The following COPS5 variants were observed in gnomAD, a reference collection of about 807,000 sequenced individuals.
COPS5 encodes COP9 signalosome complex subunit 5.
In COPS5, 8 loss-of-function variants were observed where a neutral mutation model predicts 44.4. The observed-to-expected ratio is 0.18, with a 90% CI of 0.11 to 0.32. COPS5 has a LOEUF of 0.32. COPS5 is among the 10% of genes least tolerant of loss of function. The probability of loss-of-function intolerance (pLI) is 1.00; values close to 1 mark genes in which losing one functional copy is unlikely to be tolerated. For synonymous variants in COPS5, 122 were observed against 142.8 expected, an observed-to-expected ratio of 0.85 and a Z score of 1.04; for missense variants, 159 against 406.4, an observed-to-expected ratio of 0.39 and a Z score of 5.23.
chr8:67,057,902 A>G (rs1804535393), intron 3 of COPS5, among the ~76,000 whole-genome samples, 181 bp downstream of exon 3: 2 of 152,244 alleles, frequency 1.3e-5, no homozygotes, highest in South Asian at 4.1e-4. Flanking sequence ...GAGAAGCAAG[A>G]TACACAGTGG....
In COPS5 at chr8:67,062,028, C is replaced by T; in HGVS notation, c.-32G>A. 1 of 1,614,016 alleles carries T rather than the reference C, an allele frequency of 6.2e-7. No individual in the cohort carries two copies. The highest frequency in any genetic ancestry group is 8.5e-7 in the Non-Finnish European group (1 of 1,180,000). On this transcript the variant is annotated 5_prime_UTR_variant, in exon 1 of 8. Coordinates refer to ENST00000357849, the MANE Select transcript of COPS5 (RefSeq NM_006837.3). ...GGAAGCGGAGAAGTTGTCGTCTCTA[C>T]AACCAAGACGCAACTTTACCTCGCT...
At chr8:67,060,650 TA>T in intron 1 of COPS5, 1 of 392,270 alleles carries the variant, frequency 2.5e-6, no homozygotes. Context: ...TACCAATAAG[TA>T]GGTCTTATTT....
At chr8:67,060,363 C>A in intron 1 of COPS5, 1 of 1,209,044 alleles carries the variant, frequency 8.3e-7, no homozygotes, top group Non-Finnish European at 1.1e-6. Context: ...GATAACCAAG[C>A]AACTTAAGCA....
chr8:67,058,262 C>T (rs374709734), intron 2 of COPS5, 51 bp from the exon 3 acceptor site: 3 of 1,585,276 alleles, frequency 1.9e-6, no homozygotes, highest in South Asian at 2.2e-5. Context: ...AATTAATTTA[C>T]AAGGTACCAG....
chr8:67,053,527 C>G (rs1375997040), intron 5 of COPS5, among the ~76,000 whole-genome samples: 1 of 149,392 alleles, frequency 6.7e-6, no homozygotes, highest in Non-Finnish European at 1.5e-5. Flanking sequence ...ATGGTGAAAC[C>G]CTGTCTCTAC....
chr8:67,061,664 A>G (rs566232069), intron 1 of COPS5, 190 bp downstream of exon 1: 6 of 610,726 alleles, frequency 9.8e-6, no homozygotes, highest in Non-Finnish European at 1.7e-5. Flanking sequence ...GGGCAAATGG[A>G]TTAAAGCGAC....
At chr8:67,046,324 G>C (rs1289392848) in intron 6 of COPS5, among the ~76,000 whole-genome samples, 1 of 152,108 alleles carries the variant, frequency 6.6e-6, no homozygotes, top group Admixed American at 6.6e-5. Flanking sequence ...TATGCCTCCA[G>C]GTTTTCTTCT....
At chr8:67,061,649 C>T (rs1169552172) in intron 1 of COPS5, 2 of 585,154 alleles carry the variant, frequency 3.4e-6, no homozygotes, top group Non-Finnish European at 6.1e-6. Flanking sequence ...CCTTACATCA[C>T]CCGGGGGCAA....
intron 7 of COPS5, 45 bp downstream of exon 7, chr8:67,045,767 G>C: frequency 6.2e-7 from 1 of 1,605,146 alleles, no homozygotes; most frequent in Non-Finnish European, 8.5e-7. Context: ...AATTTTGAAA[G>C]AAAAAGAGTT....
chr8:67,051,155 A>G (rs769496472), intron 6 of COPS5, 75 bp downstream of exon 6: 8 of 1,001,738 alleles, frequency 8.0e-6, no homozygotes, highest in East Asian at 2.4e-5. Context: ...TTTCTGTGAA[A>G]CAGTGTTTCA....
At chr8:67,049,487 A>G (rs1322201193) in intron 6 of COPS5, among the ~76,000 whole-genome samples, 1 of 152,232 alleles carries the variant, frequency 6.6e-6, no homozygotes, top group South Asian at 2.1e-4. Context: ...AAAAAAAAAA[A>G]TCCTTGGCCT....
chr8:67,050,089 C>G (rs1362236724), intron 6 of COPS5, among the ~76,000 whole-genome samples: 1 of 151,704 alleles, frequency 6.6e-6, no homozygotes, highest in Non-Finnish European at 1.5e-5. Context: ...CAGGCTCTGC[C>G]CCCCGGGGCT....
intron 6 of COPS5, among the ~76,000 whole-genome samples, chr8:67,049,034 A>G (rs1210750420): frequency 6.6e-6 from 1 of 152,226 alleles, no homozygotes; most frequent in African/African-American, 2.4e-5. Flanking sequence ...TTTGTTTATT[A>G]TAGAAGAGAC....
intron 2 of COPS5, 81 bp from the exon 3 acceptor site, chr8:67,058,292 C>T (rs887022264): frequency 1.4e-6 from 2 of 1,389,628 alleles, no homozygotes; most frequent in Admixed American, 2.0e-5. Context: ...GGTAACCAGT[C>T]TCCTTCCCAT....
chr8:67,061,266 C>T (rs1438481978), intron 1 of COPS5: 1 of 352,134 alleles, frequency 2.8e-6, no homozygotes, highest in Admixed American at 3.9e-5. Flanking sequence ...GGTAGTAGAG[C>T]CTCCGTGTGC....
intron 6 of COPS5, 155 bp downstream of exon 6, chr8:67,051,075 A>C (rs1043236211): frequency 2.0e-5 from 12 of 606,036 alleles, no homozygotes; most frequent in Non-Finnish European, 3.5e-5. Context: ...TTGGCCTAGA[A>C]TCCTAATCCA....
intron 5 of COPS5, among the ~76,000 whole-genome samples, chr8:67,055,202 T>TGATA: frequency 6.6e-6 from 1 of 152,154 alleles, no homozygotes; most frequent in Non-Finnish European, 1.5e-5. Context: ...AGAAGTTCAG[T>TGATA]GATAGGACAT....
chr8:67,050,418 C>T (rs959991755), intron 6 of COPS5, among the ~76,000 whole-genome samples: 10 of 152,224 alleles, frequency 6.6e-5, no homozygotes, highest in Non-Finnish European at 5.9e-5. Flanking sequence ...TACGCTGCGG[C>T]TCAGCAGTAA....
intron 1 of COPS5, chr8:67,061,354 C>A (rs1215919440): frequency 6.7e-6 from 3 of 447,804 alleles, no homozygotes; most frequent in Non-Finnish European, 1.3e-5. Context: ...CTTTGGAAGG[C>A]GAAGGCGGGA....
Sources: gnomAD v4.1 joint callset for allele counts (sites outside exome capture counted in the v4.1 genomes callset) on GRCh38, gnomAD v4.1.1 for gene constraint, MANE v1.5 for transcripts, NCBI Gene and HGNC (gene_info 2026-07-23, HGNC 2026-07-21) for gene names.